The following GRIP1 variants were observed in gnomAD, a reference collection of about 807,000 sequenced individuals.
GRIP1 encodes the protein glutamate receptor interacting protein 1, also known as glutamate receptor-interacting protein 1.
Under a neutral mutation model 129.9 loss-of-function variants are expected in GRIP1, and 45 were observed. The observed-to-expected ratio is 0.35, with a 90% CI of 0.27 to 0.44. The LOEUF is 0.44. GRIP1 is among the 20% of genes least tolerant of loss of function. The pLI is 1.00. For synonymous variants in GRIP1, 530 were observed against 520.8 expected, an observed-to-expected ratio of 1.02 and a Z score of -0.24; for missense variants, 1,196 against 1,396.8, an observed-to-expected ratio of 0.86 and a Z score of 2.29.
intron 23 of GRIP1, among the ~76,000 whole-genome samples, chr12:66,355,498 A>C (rs1592676686): frequency 6.6e-6 from 1 of 152,310 alleles, no homozygotes; most frequent in Non-Finnish European, 1.5e-5. Flanking sequence ...ACTTTACTAC[A>C]TAAAGGGTGT....
In GRIP1 at chr12:66,403,384, C is replaced by T. The variant is rs549899844; in HGVS notation, c.1984+2899G>A. Among the ~76,000 whole-genome samples the T allele has an allele frequency of 2.3e-4, 35 of 152,136 alleles. 1 individual carries two copies. The South Asian group carries it at 6.6e-3, about 29-fold the overall frequency. On this transcript the variant is annotated intron_variant, in intron 16 of 24. Coordinates refer to ENST00000359742, the MANE Select transcript of GRIP1 (RefSeq NM_001366722.1). ...TGCCTTTAAATAATCTGTGGTCAGG[C>T]TTTACATTTTGAATAATGTTTTTTT...
intron 1 of GRIP1, among the ~76,000 whole-genome samples, chr12:66,855,627 T>C (rs1340204520): frequency 1.3e-5 from 2 of 152,112 alleles, no homozygotes; most frequent in Non-Finnish European, 2.9e-5. Flanking sequence ...TCCATGTTTT[T>C]ACAAGGATAT....
chr12:66,533,876 CACAT>C lies in GRIP1; in HGVS notation c.419-3966_419-3963del, dbSNP rs1565836234. ...ACACACACACACTCACACACACACA[CACAT>C]ACACACACTCTCTCTCTCTCTCTCT... On this transcript the variant is annotated intron_variant, in intron 4 of 24. Coordinates refer to ENST00000359742, the MANE Select transcript of GRIP1 (RefSeq NM_001366722.1). Among the ~76,000 whole-genome samples, 259 of 142,840 alleles carry C rather than the reference CACAT, an allele frequency of 1.8e-3. 1 individual carries two copies. Among genetic ancestry groups the C allele is most frequent in the African/African-American group, 6.2e-3 (235 of 38,122 alleles). The allele number at this position is 142,840 out of a possible 152,430, so 93.7% of individuals were successfully genotyped here. A position where few individuals can be genotyped will look rare whatever the true frequency, so the allele number is the denominator to read the frequency against.
chr12:66,838,306 T>A (rs1244579088), intron 1 of GRIP1, among the ~76,000 whole-genome samples: 2 of 152,110 alleles, frequency 1.3e-5, no homozygotes, highest in Non-Finnish European at 2.9e-5. Context: ...TGGGTACCAT[T>A]TGTTTCTATG....
chr12:66,600,229 T>C (rs2064219546), intron 1 of GRIP1, among the ~76,000 whole-genome samples: 1 of 152,238 alleles, frequency 6.6e-6, no homozygotes, highest in Admixed American at 6.5e-5. Flanking sequence ...AATGTCAATA[T>C]AGCTCACTGA....
At chr12:66,582,521 C>G (rs1381593577) in intron 2 of GRIP1, among the ~76,000 whole-genome samples, 1 of 144,842 alleles carries the variant, frequency 6.9e-6, no homozygotes, top group African/African-American at 2.5e-5. Context: ...TGTCTCAGCC[C>G]AAAATCTCCT....
At chr12:66,942,283 T>C (rs897312791) in intron 1 of GRIP1, among the ~76,000 whole-genome samples, 6 of 146,682 alleles carry the variant, frequency 4.1e-5, no homozygotes, top group African/African-American at 1.5e-4. Context: ...AATTTTTCTG[T>C]TCTTATTTTT....
chr12:66,655,606 C>CTTTTT (rs1173143521), intron 1 of GRIP1, among the ~76,000 whole-genome samples: 1 of 118,044 alleles, frequency 8.5e-6, no homozygotes, highest in African/African-American at 3.2e-5. Context: ...TTTTTTTGTA[C>CTTTTT]TTTTTTTTTT....
intron 1 of GRIP1, among the ~76,000 whole-genome samples, chr12:66,621,695 C>T (rs963441653): frequency 6.6e-6 from 1 of 152,138 alleles, no homozygotes; most frequent in Non-Finnish European, 1.5e-5. Flanking sequence ...AGCAGCTACA[C>T]TATTTTATAT....
chr12:66,704,009 A>G (rs1480008), intron 1 of GRIP1, among the ~76,000 whole-genome samples: 59,864 of 151,874 alleles, frequency 0.39, 12,168 homozygotes, highest in South Asian at 0.52. Context: ...GAAGGTACCC[A>G]TGTGTCAATA....
intron 1 of GRIP1, among the ~76,000 whole-genome samples, chr12:66,858,432 A>G (rs148272666): frequency 1.1e-4 from 17 of 152,092 alleles, no homozygotes; most frequent in Middle Eastern, 6.8e-3. Context: ...AAAAATATAA[A>G]TTATTCAAAA....
chr12:66,617,677 T>A (rs1433755504), intron 1 of GRIP1, among the ~76,000 whole-genome samples: 1 of 151,986 alleles, frequency 6.6e-6, no homozygotes, highest in Non-Finnish European at 1.5e-5. Flanking sequence ...TATTCTTGAT[T>A]TTAACACATC....
At chr12:67,025,665 C>A (rs577587118) in intron 1 of GRIP1, among the ~76,000 whole-genome samples, 2 of 152,126 alleles carry the variant, frequency 1.3e-5, no homozygotes, top group African/African-American at 4.8e-5. Flanking sequence ...TCTCTCCCCC[C>A]AGGGTTTAAC....
At chr12:66,586,186 G>T (rs2063626932) in intron 2 of GRIP1, among the ~76,000 whole-genome samples, 1 of 152,028 alleles carries the variant, frequency 6.6e-6, no homozygotes, top group Non-Finnish European at 1.5e-5. Context: ...TTCAAATGAG[G>T]CTTTTACTCC....
chr12:67,044,933 C>T (rs1032219322), intron 1 of GRIP1, among the ~76,000 whole-genome samples: 5 of 152,000 alleles, frequency 3.3e-5, no homozygotes. Context: ...TCACAATAAC[C>T]CAAAGAAGGT....
chr12:66,463,814 C>T (rs2059204941), intron 8 of GRIP1, among the ~76,000 whole-genome samples: 2 of 152,124 alleles, frequency 1.3e-5, no homozygotes, highest in South Asian at 2.1e-4. Context: ...GAAAAGCTAG[C>T]GCAGTCGTCA....
rs537738807 is a variant in GRIP1 at position 67,036,274 on chromosome 12, C to A, written c.58+32776G>T. ...TCTGAGAATAGATCACAGTTCTTTC[C>A]TACTTACCTTAACTGCTTCTAAATG... On this transcript the variant is annotated intron_variant, in intron 1 of 1. Coordinates refer to the GRIP1 transcript ENST00000643019. Among the ~76,000 whole-genome samples, 27 of 152,126 alleles carry A rather than the reference C, an allele frequency of 1.8e-4. 1 individual carries two copies. The South Asian group carries it at 5.6e-3, about 32-fold the overall frequency.
intron 1 of GRIP1, among the ~76,000 whole-genome samples, chr12:66,797,499 G>A (rs2038733970): frequency 6.6e-6 from 1 of 152,130 alleles, no homozygotes; most frequent in Non-Finnish European, 1.5e-5. Flanking sequence ...ACTGACCCAG[G>A]TGATTCATCC....
At chr12:66,984,409 C>G (rs1027744117) in intron 1 of GRIP1, among the ~76,000 whole-genome samples, 1 of 152,160 alleles carries the variant, frequency 6.6e-6, no homozygotes, top group African/African-American at 2.4e-5. Flanking sequence ...GTTGATTGCT[C>G]TCAACAAATC....
Sources: allele counts gnomAD v4.1 joint callset (sites outside exome capture counted in the v4.1 genomes callset), GRCh38; gene constraint gnomAD v4.1.1; transcripts MANE v1.5; gene names NCBI Gene and HGNC (gene_info 2026-07-23, HGNC 2026-07-21).